Variants in KAT6B observed in about 807,000 individuals in gnomAD.
KAT6B encodes histone acetyltransferase KAT6B.
A neutral mutation model predicts 187.5 loss-of-function variants in KAT6B; 10 were observed. The observed-to-expected ratio is 0.05, with a 90% CI of 0.03 to 0.09. The LOEUF is 0.09. KAT6B is among the 10% of genes least tolerant of loss of function. The pLI is 1.00. For synonymous variants in KAT6B, 861 were observed against 926.8 expected, an observed-to-expected ratio of 0.93 and a Z score of 1.29; for missense variants, 1,952 against 2,558.9, an observed-to-expected ratio of 0.76 and a Z score of 5.12.
rs539601578 is a variant in KAT6B, at chr10:74,827,121, G to T, written c.-329+336G>T. On this transcript the variant is annotated intron_variant, in intron 1 of 17. Transcript: ENST00000287239. Reference sequence around the variant, plus strand: ...TCTGAGTGGGAGTGAACTGGTAGGAGCGGTGGGGGGCCGGCGAGGGTGTGA... The same window carrying T: ...TCTGAGTGGGAGTGAACTGGTAGGATCGGTGGGGGGCCGGCGAGGGTGTGA... 367 of 152,546 alleles carry T rather than the reference G, an allele frequency of 2.4e-3. 2 individuals carry two copies. Among genetic ancestry groups the T allele is most frequent in the Middle Eastern group, 0.017 (5 of 296 alleles). The allele number at this position is 152,546 out of a possible 1,614,324, so 9.4% of individuals were successfully genotyped here.
intron 2 of KAT6B, among the ~76,000 whole-genome samples, chr10:74,841,810 T>G (rs1841764581): frequency 6.6e-6 from 1 of 152,190 alleles, no homozygotes; most frequent in Non-Finnish European, 1.5e-5. Flanking sequence ...AGGCCAAGGC[T>G]CTTTCTCCTT....
intron 1 of KAT6B, among the ~76,000 whole-genome samples, chr10:74,835,416 A>T (rs79081925): frequency 2.6e-5 from 4 of 152,100 alleles, no homozygotes; most frequent in African/African-American, 9.6e-5. Context: ...CTTATGGGGA[A>T]GACAAATATA....
At chr10:74,991,657 G>A (rs1309373099) in intron 13 of KAT6B, among the ~76,000 whole-genome samples, 1 of 152,136 alleles carries the variant, frequency 6.6e-6, no homozygotes, top group African/African-American at 2.4e-5. Flanking sequence ...TGTACACCTA[G>A]CATTGCCCCT....
At chr10:74,940,946 T>C (rs1196197693) in intron 3 of KAT6B, among the ~76,000 whole-genome samples, 2 of 152,192 alleles carry the variant, frequency 1.3e-5, no homozygotes, top group African/African-American at 4.8e-5. Context: ...ACCATCAGAA[T>C]TCTTGAAGAT....
intron 3 of KAT6B, among the ~76,000 whole-genome samples, chr10:74,958,295 G>A (rs1355163023): frequency 2.0e-5 from 3 of 152,190 alleles, no homozygotes; most frequent in Non-Finnish European, 4.4e-5. Context: ...AATGCATTAG[G>A]CATTTGGGCT....
intron 12 of KAT6B, among the ~76,000 whole-genome samples, chr10:74,985,506 T>A (rs1176775546): frequency 1.3e-5 from 2 of 152,180 alleles, no homozygotes; most frequent in Non-Finnish European, 2.9e-5. Flanking sequence ...GTCTTTGATT[T>A]TCTCAGTGTT....
At chr10:74,975,276 AC>A (rs1467395055) in intron 7 of KAT6B, 122 bp from the exon 8 acceptor site, 1 of 796,520 alleles carries the variant, frequency 1.3e-6, no homozygotes, top group Admixed American at 2.1e-5. Flanking sequence ...GGTGGCACAC[AC>A]AAAAAATACA....
At chr10:74,886,459 C>A (rs946444016) in intron 3 of KAT6B, among the ~76,000 whole-genome samples, 3 of 152,164 alleles carry the variant, frequency 2.0e-5, no homozygotes, top group Non-Finnish European at 4.4e-5. Flanking sequence ...CCAGGAGTAT[C>A]TAATGTATAT....
In KAT6B at chr10:74,843,232, C is replaced by G; in HGVS notation, c.375C>G (p.Ser125=). ...IEGLEEPNGS[S]LKNIEKYLRS... is the part of the protein sequence containing the mutation. ...GACTTGAGGAGCCGAATGGCTCCTC[C>G]CTGAAGAACATAGAGAAGTATCTCA... The change falls in exon 3 of 18, where the codon TCC becomes TCG. Residue 125 remains serine, a synonymous_variant. Coordinates refer to ENST00000287239, the MANE Select transcript of KAT6B (RefSeq NM_012330.4). 6.2e-7 allele frequency: 1 copy of G among 1,614,208 alleles called. No homozygotes were observed. Among genetic ancestry groups the G allele is most frequent in the Non-Finnish European group, 8.5e-7 (1 of 1,180,044 alleles).
Position 74,889,646 on chromosome 10 carries a change from C to T in KAT6B, c.621+46168C>T, listed in dbSNP as rs61492818. Among the ~76,000 whole-genome samples, 226 of 152,272 alleles carry T rather than the reference C, an allele frequency of 1.5e-3. 2 individuals are homozygous for T. The highest frequency in any genetic ancestry group is 5.2e-3 in the African/African-American group (214 of 41,544). On this transcript the variant is annotated intron_variant, in intron 3 of 17. Coordinates refer to ENST00000287239, the MANE Select transcript of KAT6B (RefSeq NM_012330.4). ...GCAGAAAATAGATCAAATCAAGGAG[C>T]CTTATCCAATGTCATTGAAAGGAAA...
intron 3 of KAT6B, among the ~76,000 whole-genome samples, chr10:74,877,059 C>T (rs868118024): frequency 2.9e-4 from 43 of 150,724 alleles, no homozygotes; most frequent in African/African-American, 9.0e-4. Context: ...CTCTACCTGC[C>T]GGTTCAAGCG....
Position 74,866,040 on chromosome 10 carries a change from C to T in KAT6B, c.621+22562C>T, listed in dbSNP as rs529653020. Among the ~76,000 whole-genome samples the T allele has an allele frequency of 3.9e-5, 6 of 152,088 alleles. No homozygotes were observed. In the South Asian group the frequency reaches 1.2e-3, roughly 32 times the overall value. ...TGATTTTTTGTCTCTGTGGGTTCTTCAGGGCCAGCTGCAGGACTTGAGTAT... is the reference window on the plus strand; with the variant it reads ...TGATTTTTTGTCTCTGTGGGTTCTTTAGGGCCAGCTGCAGGACTTGAGTAT... On this transcript the variant is annotated intron_variant, in intron 3 of 17. Coordinates refer to ENST00000287239, the MANE Select transcript of KAT6B (RefSeq NM_012330.4).
rs1195923013 is a variant in KAT6B at position 74,970,211 on chromosome 10, C to T, written c.928+110C>T. On this transcript the variant is annotated intron_variant, in intron 6 of 17. Transcript: ENST00000287239. ...GGTTCTTTAAGCATTTTTTTCATCCCTCCCACCTTCCCTATACTTCTGAGT... is the reference window on the plus strand; with the variant it reads ...GGTTCTTTAAGCATTTTTTTCATCCTTCCCACCTTCCCTATACTTCTGAGT... 9 of 764,062 alleles carry T rather than the reference C, an allele frequency of 1.2e-5. No homozygotes were observed. The African/African-American group carries it at 1.4e-4, about 12-fold the overall frequency. The allele number at this position is 764,062 out of a possible 1,614,324, so 47.3% of individuals were successfully genotyped here.
chr10:74,992,502 G>A (rs1432717291), intron 13 of KAT6B, among the ~76,000 whole-genome samples: 1 of 152,196 alleles, frequency 6.6e-6, no homozygotes, highest in Non-Finnish European at 1.5e-5. Context: ...CTATAATAAA[G>A]TGTTGAATAT....
intron 1 of KAT6B, among the ~76,000 whole-genome samples, chr10:74,834,261 G>T (rs1281094973): frequency 6.6e-6 from 1 of 150,416 alleles, no homozygotes; most frequent in South Asian, 2.1e-4. Flanking sequence ...GCAGTGGCGC[G>T]ATCTCGGCTC....
At chr10:74,865,564 G>T in intron 3 of KAT6B, among the ~76,000 whole-genome samples, 2 of 149,292 alleles carry the variant, frequency 1.3e-5, no homozygotes. Context: ...CACCCAGGCT[G>T]GAGTGCAGTG....
intron 3 of KAT6B, among the ~76,000 whole-genome samples, chr10:74,901,965 T>G (rs2132775586): frequency 6.6e-6 from 1 of 152,304 alleles, no homozygotes; most frequent in Non-Finnish European, 1.5e-5. Context: ...AAAGAAGTGC[T>G]AGGAGGACTG....
chr10:74,947,477 A>G (rs1840033648), intron 3 of KAT6B, among the ~76,000 whole-genome samples: 1 of 152,340 alleles, frequency 6.6e-6, no homozygotes, highest in Admixed American at 6.5e-5. Flanking sequence ...AGTACCAAGT[A>G]TGAGAAATGT....
At chr10:74,969,563 C>G (rs1841714395) in intron 4 of KAT6B, 97 bp from the exon 5 acceptor site, 4 of 743,606 alleles carry the variant, frequency 5.4e-6, no homozygotes, top group Admixed American at 4.0e-5. Context: ...GGTTCATTGG[C>G]TAGCCTCATC....
Sources: allele counts gnomAD v4.1 joint callset (sites outside exome capture counted in the v4.1 genomes callset), GRCh38; gene constraint gnomAD v4.1.1; transcripts MANE v1.5; gene names NCBI Gene and HGNC (gene_info 2026-07-23, HGNC 2026-07-21).